Variants in MAP7D2 observed in about 807,000 individuals in gnomAD.
MAP7D2 encodes the protein MAP7 domain containing 2.
In MAP7D2, 33 loss-of-function variants were observed where a neutral mutation model predicts 63.5. That is an observed-to-expected ratio of 0.52 (90% CI 0.39 to 0.70). The LOEUF (loss-of-function observed/expected upper bound fraction) is 0.70, where lower values mean the gene tolerates loss of function less well. MAP7D2 is among the 30% of genes least tolerant of loss of function. The pLI is 0.00. For synonymous variants in MAP7D2, 224 were observed against 223.7 expected (o/e 1.00, Z -0.01); for missense variants, 626 against 604.0 (o/e 1.04, Z -0.38).
chrX:20,012,988 C>T, intron 14 of MAP7D2, 66 bp downstream of exon 14: 9 of 966,868 alleles, frequency 9.3e-6, no homozygotes, highest in Non-Finnish European at 1.3e-5. Context: ...TCTGTTTACC[C>T]TACACCAAGT....
rs1276468229 is a variant in MAP7D2 at position 20,039,947 on chromosome X, C to A, written c.1007+2555G>T. Among the ~76,000 whole-genome samples, 4 of 98,740 alleles carry A rather than the reference C, an allele frequency of 4.1e-5. No homozygotes were observed. In the East Asian group the frequency reaches 1.3e-3, roughly 31 times the overall value. The allele number at this position is 98,740 out of a possible 115,157, so 85.7% of individuals were successfully genotyped here. ...CTGGGAGGCAGAGGTTGCAGTGAGC[C>A]GAGATTGCGCCACTGCACTCCAGCC... On this transcript the variant is annotated intron_variant, in intron 8 of 16. Coordinates refer to ENST00000379643, the MANE Select transcript of MAP7D2 (RefSeq NM_001168465.2).
chrX:20,080,269 G>T (rs926352927), intron 1 of MAP7D2, among the ~76,000 whole-genome samples: 1 of 110,418 alleles, frequency 9.1e-6, no homozygotes, highest in South Asian at 3.9e-4. Context: ...TTCCCTGTGC[G>T]GTGGTTGCAA....
chrX:20,026,782 C>T (rs774781532), intron 8 of MAP7D2, among the ~76,000 whole-genome samples: 1 of 111,761 alleles, frequency 8.9e-6, no homozygotes, highest in Non-Finnish European at 1.9e-5. Context: ...GCTGCTTGTT[C>T]AGGACAGGGG....
At chrX:20,096,011 G>C (rs1267053686) in intron 1 of MAP7D2, among the ~76,000 whole-genome samples, 15 of 97,284 alleles carry the variant, frequency 1.5e-4, no homozygotes, top group Non-Finnish European at 2.6e-4. Flanking sequence ...GATACCGGGA[G>C]ACGGAGGTTG....
intron 9 of MAP7D2, 153 bp from the exon 10 acceptor site, chrX:20,025,236 G>A (rs2073796870): frequency 6.4e-6 from 4 of 624,526 alleles, no homozygotes; most frequent in Non-Finnish European, 9.4e-6. Flanking sequence ...CGACCACCAA[G>A]CAAGAGAAGC....
Position 20,107,939 on chromosome X carries a change from A to G in MAP7D2, c.130+8811T>C, listed in dbSNP as rs758526115. On this transcript the variant is annotated intron_variant, in intron 1 of 16. Coordinates refer to ENST00000379643, the MANE Select transcript of MAP7D2 (RefSeq NM_001168465.2). ...TTTTAAAATAAATTGAAGAATCAAC[A>G]GAACTATTAATCTAAAGTTAAAAAG... Among the ~76,000 whole-genome samples, 10 of 112,154 alleles carry G rather than the reference A, an allele frequency of 8.9e-5. No homozygotes were observed. The East Asian group carries it at 2.8e-3, about 31-fold the overall frequency.
chrX:20,009,569 C>T (rs1051629504), intron 16 of MAP7D2, among the ~76,000 whole-genome samples: 20 of 97,668 alleles, frequency 2.0e-4, no homozygotes, highest in Non-Finnish European at 3.2e-4. Flanking sequence ...GAGGCTGAGG[C>T]AGGAGAATGG....
Position 20,041,656 on chromosome X carries a change from C to T in MAP7D2, c.1007+846G>A, listed in dbSNP as rs1043454422. Among the ~76,000 whole-genome samples the T allele has an allele frequency of 2.7e-5, 3 of 112,138 alleles. No homozygotes were observed. In the Admixed American group the frequency reaches 2.8e-4, roughly 11 times the overall value. ...TTATATGATTCTCTCCATATAAAAA[C>T]TTTCCTATATTCCCAAATTAAATCA... On this transcript the variant is annotated intron_variant, in intron 8 of 16. Transcript: ENST00000379643.
chrX:20,048,505 T>G (rs772730469), intron 6 of MAP7D2, among the ~76,000 whole-genome samples: 2 of 110,955 alleles, frequency 1.8e-5, no homozygotes, highest in Non-Finnish European at 3.8e-5. Context: ...TGAGTCTTCC[T>G]AGCAAATCAC....
chrX:20,083,369 T>C (rs1299208142), intron 1 of MAP7D2, among the ~76,000 whole-genome samples: 2 of 111,919 alleles, frequency 1.8e-5, no homozygotes, highest in East Asian at 2.8e-4. Flanking sequence ...AAATAACACA[T>C]AGGAAAAGTG....
At chrX:20,107,621 T>G (rs2148558545) in intron 1 of MAP7D2, among the ~76,000 whole-genome samples, 1 of 111,140 alleles carries the variant, frequency 9.0e-6, no homozygotes, top group Admixed American at 9.6e-5. Flanking sequence ...GATAATATTT[T>G]GGAACATACT....
intron 2 of MAP7D2, 34 bp downstream of exon 2, chrX:20,064,694 C>T (rs1438483415): frequency 1.2e-5 from 14 of 1,165,025 alleles, no homozygotes; most frequent in Non-Finnish European, 1.5e-5. Context: ...ATCTCCACTC[C>T]CTTGGACCAA....
chrX:20,085,107 A>G lies in MAP7D2; in HGVS notation c.131-20302T>C, dbSNP rs180714707. ...GGTCAAACACACGCCATCTGCCTTCATATGACCTATACAGGCCCTACCAGG... is the reference window on the plus strand; with the variant it reads ...GGTCAAACACACGCCATCTGCCTTCGTATGACCTATACAGGCCCTACCAGG... On this transcript the variant is annotated intron_variant, in intron 1 of 16. Coordinates refer to ENST00000379643, the MANE Select transcript of MAP7D2 (RefSeq NM_001168465.2). Among the ~76,000 whole-genome samples, 3 of 111,922 alleles carry G rather than the reference A, an allele frequency of 2.7e-5. No homozygotes were observed. The East Asian group carries it at 8.5e-4, about 32-fold the overall frequency.
intron 8 of MAP7D2, among the ~76,000 whole-genome samples, chrX:20,038,873 A>G (rs191326541): frequency 1.8e-5 from 2 of 112,222 alleles, no homozygotes; most frequent in Admixed American, 9.5e-5. Context: ...GGTAAGAAAG[A>G]GTATGCGTGG....
intron 15 of MAP7D2, 39 bp downstream of exon 15, chrX:20,012,310 A>G (rs1484384508): frequency 9.6e-7 from 1 of 1,038,121 alleles, no homozygotes; most frequent in Non-Finnish European, 1.3e-6. Context: ...TAGTGTTTCG[A>G]GAAGTGATGA....
intron 10 of MAP7D2, among the ~76,000 whole-genome samples, chrX:20,022,190 G>C (rs1406614229): frequency 1.8e-5 from 2 of 111,759 alleles, no homozygotes; most frequent in African/African-American, 6.5e-5. Context: ...AGGAGCACAA[G>C]TCCACGTGGG....
At chrX:20,014,366 G>A (rs1015256937) in intron 12 of MAP7D2, among the ~76,000 whole-genome samples, 2 of 111,645 alleles carry the variant, frequency 1.8e-5, no homozygotes, top group African/African-American at 6.5e-5. Context: ...CCAGGAGTTC[G>A]AGACCAGCCT....
intron 11 of MAP7D2, 132 bp from the exon 12 acceptor site, chrX:20,015,459 G>A (rs2073353507): frequency 3.9e-6 from 2 of 515,645 alleles, no homozygotes; most frequent in Non-Finnish European, 6.6e-6. Flanking sequence ...TATTCAATGT[G>A]GATTTATACA....
At chrX:20,102,078 G>A (rs1266315311) in intron 1 of MAP7D2, among the ~76,000 whole-genome samples, 1 of 112,163 alleles carries the variant, frequency 8.9e-6, no homozygotes, top group African/African-American at 3.2e-5. Context: ...AGGCATGAAG[G>A]AGCCTTCTGG....
Sources: allele counts gnomAD v4.1 joint callset (sites outside exome capture counted in the v4.1 genomes callset), GRCh38; gene constraint gnomAD v4.1.1; transcripts MANE v1.5; gene names NCBI Gene and HGNC (gene_info 2026-07-23, HGNC 2026-07-21).